The following STK17B variants were observed in gnomAD, a reference collection of about 807,000 sequenced individuals.
STK17B encodes serine/threonine kinase 17b, also known as serine/threonine-protein kinase 17B.
STK17B carries 21 observed loss-of-function variants against 42.0 expected under a neutral mutation model. That is an observed-to-expected ratio of 0.50 (90% confidence interval 0.35 to 0.72). The LOEUF (loss-of-function observed/expected upper bound fraction) is 0.72, where lower values mean the gene tolerates loss of function less well. STK17B is among the 30% of genes least tolerant of loss of function. The pLI, the probability that STK17B is intolerant of heterozygous loss-of-function variation, is 0.00. For synonymous variants in STK17B, 143 were observed against 148.4 expected (o/e 0.96, Z 0.26); for missense variants, 349 against 446.0 (o/e 0.78, Z 1.96).
intron 3 of STK17B, chr2:196,153,356 A>G (rs1377353471): frequency 6.6e-6 from 1 of 151,992 alleles, no homozygotes; most frequent in Non-Finnish European, 1.5e-5. Flanking sequence ...AAAGTGAATA[A>G]GCAAGTATTG....
Position 196,133,752 on chromosome 2 carries a change from A to G in STK17B, c.*3695T>C, listed in dbSNP as rs1165816536. ...TTTTAATTTTTAGCCAGAATGGTCA[A>G]GTTGATGTAGATTTTTTTTACTGGA... is the stretch of plus-strand genomic sequence containing the variant. On this transcript the variant is annotated 3_prime_UTR_variant, in exon 8 of 8. Transcript: ENST00000263955. The G allele has an allele frequency of 2.0e-5, 3 of 152,236 alleles. No individual in the cohort carries two copies. Among genetic ancestry groups the G allele is most frequent in the African/African-American group, 7.2e-5 (3 of 41,474 alleles). The allele number at this position is 152,236 out of a possible 1,614,324, so 9.4% of individuals were successfully genotyped here. A position where few individuals can be genotyped will look rare whatever the true frequency, so the allele number is the denominator to read the frequency against.
Position 196,137,226 on chromosome 2 carries a change from G to T in STK17B, c.*221C>A, listed in dbSNP as rs1575168657. The T allele has an allele frequency of 1.9e-5, 9 of 473,284 alleles. No homozygotes were observed. In the East Asian group the frequency reaches 2.8e-4, roughly 15 times the overall value. 29.3% of individuals were successfully genotyped at this position (473,284 alleles called of 1,614,324 possible). A position where few individuals can be genotyped will look rare whatever the true frequency, so the allele number is the denominator to read the frequency against. On this transcript the variant is annotated 3_prime_UTR_variant, in exon 8 of 8. Coordinates refer to ENST00000263955, the MANE Select transcript of STK17B (RefSeq NM_004226.4). ...ACTCACATGTACAATTTTACTTTTT[G>T]TCATATATTTAAATATTTTCTTATC...
rs748433002 is a variant in STK17B at position 196,163,385 on chromosome 2, T to C, written c.-2A>G. ...GCAATCAAATCTCCTCCTCGACATG[T>C]TAGGTGATTCCCAGGTCTGCTTCTT... On this transcript the variant is annotated 5_prime_UTR_variant, in exon 2 of 8. Transcript: ENST00000263955. 12 of 1,584,978 alleles carry C rather than the reference T, an allele frequency of 7.6e-6. No individual in the cohort carries two copies. The African/African-American group carries it at 1.5e-4, about 20-fold the overall frequency.
rs1699836752 is a variant in STK17B at position 196,163,326 on chromosome 2, G to A, written c.58C>T (p.Gln20Ter). 1 of 1,606,712 alleles carries A rather than the reference G, an allele frequency of 6.2e-7. No individual in the cohort carries two copies. The highest frequency in any genetic ancestry group is 1.1e-5 in the South Asian group (1 of 89,468). Residue 20 changes from glutamine to a stop codon, truncating the protein, a stop_gained, in exon 2 of 8, where the codon CAA becomes TAA. Coordinates refer to ENST00000263955, the MANE Select transcript of STK17B (RefSeq NM_004226.4). LOFTEE classifies it high-confidence loss of function. ...AAGTTTTCCATTTTTATTGGAATTT[G>A]AGGAGTTGTAGTTAGTAGGCCTGAA... ...SISGLLTTTP[Q>*]IPIKMENFNN...
chr2:196,146,055 A>G lies in STK17B; in HGVS notation c.336T>C (p.Tyr112=). The G allele has an allele frequency of 6.3e-7, 1 of 1,578,450 alleles. No individual in the cohort carries two copies. The highest frequency in any genetic ancestry group is 8.6e-7 in the Non-Finnish European group (1 of 1,168,968). The stretch of plus-strand genomic sequence containing the variant: ...GGCTGAAAATTTCTCCACCTGCAGC[A>G]CTAAAATAAAATTCAAAGAACAGAG... The part of the protein sequence containing the change: ...NTSEIILILE[Y]AAGGEIFSLC... The change falls in exon 4 of 8, where the codon TAT becomes TAC. Residue 112 remains tyrosine (Y), a splice_region_variant and synonymous_variant. Coordinates refer to ENST00000263955, the MANE Select transcript of STK17B (RefSeq NM_004226.4).
intron 3 of STK17B, chr2:196,154,520 T>C (rs1263180182): frequency 6.6e-6 from 1 of 152,192 alleles, no homozygotes; most frequent in African/African-American, 2.4e-5. Flanking sequence ...TGTGGCAAAA[T>C]GCCAACAACT....
At chr2:196,175,724 G>C (rs1699991170), upstream of STK17B, among the ~76,000 whole-genome samples, 1 of 152,180 alleles carries the variant, frequency 6.6e-6, no homozygotes, top group Non-Finnish European at 1.5e-5. Context: ...TGTCATGTTA[G>C]CCACATCCCA....
chr2:196,162,037 C>A (rs1575185042), intron 2 of STK17B, among the ~76,000 whole-genome samples: 2 of 152,272 alleles, frequency 1.3e-5, no homozygotes, highest in Admixed American at 1.3e-4. Flanking sequence ...CTTAGTAAAC[C>A]ATTTAACATA....
At chr2:196,168,481 G>GT (rs1207054400) in intron 1 of STK17B, among the ~76,000 whole-genome samples, 2 of 152,144 alleles carry the variant, frequency 1.3e-5, no homozygotes, top group African/African-American at 4.8e-5. Context: ...TATTTATTCA[G>GT]TAACTATTAC....
chr2:196,167,493 G>A (rs1454345662), intron 1 of STK17B, among the ~76,000 whole-genome samples: 2 of 152,206 alleles, frequency 1.3e-5, no homozygotes, highest in African/African-American at 2.4e-5. Flanking sequence ...AATGCAGCTA[G>A]TCTCTGCTTA....
intron 1 of STK17B, among the ~76,000 whole-genome samples, chr2:196,169,099 C>CG (rs1239853991): frequency 7.8e-6 from 1 of 128,334 alleles, no homozygotes; most frequent in African/African-American, 3.1e-5. Context: ...TTTTTTGAGA[C>CG]GGAGTCTCCC....
intron 4 of STK17B, among the ~76,000 whole-genome samples, chr2:196,145,241 AATT>A (rs1291290714): frequency 3.3e-5 from 5 of 151,734 alleles, no homozygotes; most frequent in Non-Finnish European, 7.4e-5. Flanking sequence ...GAGATTTTTG[AATT>A]ATTATTATTA....
rs779713505 is a variant in STK17B, at chr2:196,137,640, C to T, written c.926G>A (p.Ser309Asn). Residue 309 changes from serine to asparagine, a missense_variant, in exon 8 of 8, where the codon AGT (serine) becomes AAT (asparagine). Around this residue, in one of 3 missense-constraint regions of STK17B, gnomAD observed 87 missense variants for 78.8 expected, o/e 1.10. Coordinates refer to ENST00000263955, the MANE Select transcript of STK17B (RefSeq NM_004226.4). ...AGAATGATCCTGAGTTTGAGAGGAA[C>T]TGGAAGTTTCTTCAGGGTGAAACAA... ...ENLFHPEETS[S>N]SSQTQDHSVR... is the part of the protein sequence containing the mutation. The T allele has an allele frequency of 6.2e-7, 1 of 1,613,980 alleles. No homozygotes were observed. Among genetic ancestry groups the T allele is most frequent in the East Asian group, 2.2e-5 (1 of 44,866 alleles).
Position 196,139,624 on chromosome 2 carries a change from G to A in STK17B, c.832C>T (p.Pro278Ser). The change falls in exon 7 of 8, where the codon CCA becomes TCA. Residue 278 changes from proline (P) to serine (S), a missense_variant. By Grantham distance (74) the Pro-to-Ser change is moderately conservative. This residue lies in a region of STK17B where 256 missense variants were observed against 347.7 expected (regional missense o/e 0.74). Coordinates refer to ENST00000263955, the MANE Select transcript of STK17B (RefSeq NM_004226.4). ...TTTAAACAAATTATTACTTACTCTG[G>A]ATTTTTTACTAAAAGGCTCTGAATA... ...DFIQSLLVKNPEKRPTAEICL... is the reference protein window; with the variant it reads ...DFIQSLLVKNSEKRPTAEICL... 1.5e-6 allele frequency: 2 copies of A among 1,368,860 alleles called. No homozygotes were observed. Among genetic ancestry groups the A allele is most frequent in the Non-Finnish European group, 1.9e-6 (2 of 1,052,364 alleles). 84.8% of individuals were successfully genotyped at this position (1,368,860 alleles called of 1,614,324 possible).
At chr2:196,151,994 T>C (rs1316324120) in intron 3 of STK17B, among the ~76,000 whole-genome samples, 1 of 151,950 alleles carries the variant, frequency 6.6e-6, no homozygotes, top group Admixed American at 6.6e-5. Context: ...ATTCAAAAAA[T>C]AGGTTAGGTA....
At chr2:196,148,398 A>C (rs1699613011) in intron 3 of STK17B, among the ~76,000 whole-genome samples, 1 of 152,192 alleles carries the variant, frequency 6.6e-6, no homozygotes, top group South Asian at 2.1e-4. Flanking sequence ...AAGTGGTCTA[A>C]ATATATTCCT....
upstream of STK17B, among the ~76,000 whole-genome samples, chr2:196,172,636 GA>G (rs1699962097): frequency 6.6e-6 from 1 of 152,162 alleles, no homozygotes; most frequent in African/African-American, 2.4e-5. Flanking sequence ...TTTTCCCCAA[GA>G]TAAAGGTATA....
intron 2 of STK17B, among the ~76,000 whole-genome samples, chr2:196,163,055 T>C (rs917394616): frequency 6.6e-6 from 1 of 152,092 alleles, no homozygotes; most frequent in African/African-American, 2.4e-5. Context: ...TGAGGCTAGG[T>C]AGGATGTATG....
At chr2:196,162,025 G>T (rs1457062421) in intron 2 of STK17B, among the ~76,000 whole-genome samples, 2 of 152,002 alleles carry the variant, frequency 1.3e-5, no homozygotes, top group African/African-American at 4.8e-5. Context: ...CACAAATATG[G>T]ACTTAGTAAA....
Sources: allele counts gnomAD v4.1 joint callset (sites outside exome capture counted in the v4.1 genomes callset), GRCh38; gene constraint gnomAD v4.1.1; regional missense constraint gnomAD v4.1.1; transcripts MANE v1.5; gene names NCBI Gene and HGNC (gene_info 2026-07-23, HGNC 2026-07-21).